NPY4R: variants seen among roughly 807,000 people sequenced by gnomAD.
NPY4R encodes the protein neuropeptide Y receptor type 4.
Under a neutral mutation model 11.9 loss-of-function variants are expected in NPY4R, and 2 were observed. That is an observed-to-expected ratio of 0.17 (90% CI 0.07 to 0.53). The LOEUF (loss-of-function observed/expected upper bound fraction) is 0.53, where lower values mean the gene tolerates loss of function less well. Among genes scored for constraint, NPY4R ranks in the 20% least tolerant of loss-of-function variants. NPY4R has a pLI of 0.94. For synonymous variants in NPY4R, 8 were observed against 121.7 expected (o/e 0.07, Z 6.15); for missense variants, 26 against 280.2 (o/e 0.09, Z 6.48).
At chr10:46,466,259 CTT>C (rs1565142554), upstream of NPY4R, among the ~76,000 whole-genome samples, 54 of 60,142 alleles carry the variant, frequency 9.0e-4, 3 homozygotes, top group African/African-American at 5.9e-3. Context: ...TTCTTTCTTT[CTT>C]TCCTTTCTTT....
chr10:46,466,263 C>T (rs1165625174), upstream of NPY4R, among the ~76,000 whole-genome samples: 144 of 12,196 alleles, frequency 0.012, no homozygotes, highest in Admixed American at 0.018. Context: ...TTCTTTCTTT[C>T]CTTTCTTTCT....
upstream of NPY4R, among the ~76,000 whole-genome samples, chr10:46,466,040 G>C (rs1841008064): frequency 6.6e-6 from 1 of 150,940 alleles, no homozygotes; most frequent in Non-Finnish European, 1.5e-5. Context: ...CCGCCCGCCT[G>C]CCCCGGGACC....
chr10:46,462,541 T>C lies in NPY4R; in HGVS notation c.95A>G (p.Glu32Gly), dbSNP rs782451421. Residue 32 changes from glutamate (E) to glycine (G), a missense_variant, in exon 3 of 3, where the codon GAA becomes GGA. Physicochemically the swap from Glu to Gly is moderately conservative, Grantham distance 98. Coordinates refer to ENST00000374312, the MANE Select transcript of NPY4R (RefSeq NM_005972.6). ...KPLGTPYNFS[E>G]HCQDSVDVMV... ...CACGTCCACGGAATCCTGGCAATGT[T>C]CAGAGAAGTTGTATGGGGTGCCCAG... is the stretch of plus-strand genomic sequence containing the variant. 1 of 1,614,066 alleles carries C rather than the reference T, an allele frequency of 6.2e-7. No homozygotes were observed. Among genetic ancestry groups the C allele is most frequent in the East Asian group, 2.2e-5 (1 of 44,862 alleles).
upstream of NPY4R, among the ~76,000 whole-genome samples, chr10:46,466,249 T>TTCTCTCTCTCTCCCTCCC (rs1277829870): frequency 1.5e-5 from 1 of 67,778 alleles, no homozygotes; most frequent in Non-Finnish European, 2.9e-5. Context: ...CTTTCTTTCT[T>TTCTCTCTCTCTCCCTCCC]TCTTTCTTTC....
upstream of NPY4R, among the ~76,000 whole-genome samples, chr10:46,466,247 CTTTCTTT>C (rs1841034907): frequency 1.5e-5 from 1 of 68,802 alleles, no homozygotes; most frequent in Admixed American, 1.5e-4. Context: ...TTCTTTCTTT[CTTTCTTT>C]CTTTCTTTCC....
chr10:46,468,428 G>A (rs1841117663), upstream of NPY4R, among the ~76,000 whole-genome samples: 1 of 133,794 alleles, frequency 7.5e-6, no homozygotes, highest in South Asian at 2.4e-4. Context: ...CCGGAGCACA[G>A]CCTGAGAGGC....
upstream of NPY4R, among the ~76,000 whole-genome samples, chr10:46,466,187 CTTTCTTTCTTTCTTTCTTTCTTTCTT>C (rs1841019259): frequency 3.0e-4 from 3 of 9,986 alleles, no homozygotes; most frequent in African/African-American, 1.5e-3. Flanking sequence ...TTCTCTCTTT[CTTTCTTTCTTTCTTTCTTTCTTTCTT>C]TCTTTCTTTC....
At chr10:46,464,214 C>CA (rs1840943035) in intron 1 of NPY4R, among the ~76,000 whole-genome samples, 1 of 151,988 alleles carries the variant, frequency 6.6e-6, no homozygotes, top group Non-Finnish European at 1.5e-5. Flanking sequence ...GCTGAAAATA[C>CA]AAAAATTAGC....
upstream of NPY4R, among the ~76,000 whole-genome samples, chr10:46,466,223 CTTTCTTTCTTTCTTT>C: frequency 1.5e-5 from 1 of 65,606 alleles, no homozygotes; most frequent in South Asian, 4.1e-4. Context: ...TTCTTTCTTT[CTTTCTTTCTTTCTTT>C]CTTTCTTTCT....
upstream of NPY4R, among the ~76,000 whole-genome samples, chr10:46,468,077 C>T (rs551795750): frequency 1.6e-5 from 2 of 124,904 alleles, no homozygotes; most frequent in African/African-American, 6.4e-5. Context: ...ATCTCACAGG[C>T]GAGAAAACTG....
chr10:46,465,744 C>CCACAGTGG lies in NPY4R; in HGVS notation c.-290_-283dup, dbSNP rs1476799505. On this transcript the variant is annotated 5_prime_UTR_variant, in exon 1 of 3. Transcript: ENST00000374312. The stretch of plus-strand genomic sequence containing the variant: ...ATGTCTCAGGTGAGGAGACTGAGGT[C>CCACAGTGG]CACAGTGGGGGTAGGATGCTCCCCA... 4 of 137,892 alleles carry CCACAGTGG rather than the reference C, an allele frequency of 2.9e-5. No individual in the cohort carries two copies. Among genetic ancestry groups the CCACAGTGG allele is most frequent in the African/African-American group, 1.1e-4 (4 of 37,420 alleles). 8.5% of individuals were successfully genotyped at this position (137,892 alleles called of 1,614,324 possible). A position where few individuals can be genotyped will look rare whatever the true frequency, so the allele number is the denominator to read the frequency against.
At chr10:46,469,592 CT>C (rs1841141796), upstream of NPY4R, among the ~76,000 whole-genome samples, 1 of 45,344 alleles carries the variant, frequency 2.2e-5, no homozygotes, top group Non-Finnish European at 4.2e-5. Flanking sequence ...AGCTGTCCTA[CT>C]TTTTTCATGG....
upstream of NPY4R, among the ~76,000 whole-genome samples, chr10:46,466,199 CTTTCTT>C (rs1565142275): frequency 1.7e-5 from 1 of 59,064 alleles, no homozygotes; most frequent in Non-Finnish European, 3.1e-5. Flanking sequence ...TTCTTTCTTT[CTTTCTT>C]TCTTTCTTTC....
upstream of NPY4R, among the ~76,000 whole-genome samples, chr10:46,466,251 C>CTCTCTCTCTCCCTCCCTCT (rs1841036715): frequency 1.5e-5 from 1 of 68,422 alleles, no homozygotes; most frequent in African/African-American, 9.3e-5. Context: ...TTCTTTCTTT[C>CTCTCTCTCTCCCTCCCTCT]TTTCTTTCTT....
intron 1 of NPY4R, among the ~76,000 whole-genome samples, chr10:46,464,205 C>T (rs1554990557): frequency 2.0e-5 from 3 of 152,022 alleles, no homozygotes; most frequent in Non-Finnish European, 1.5e-5. Context: ...CCCGTCTCCG[C>T]TGAAAATACA....
At chr10:46,466,415 T>C (rs1345422550), upstream of NPY4R, among the ~76,000 whole-genome samples, 3 of 88,516 alleles carry the variant, frequency 3.4e-5, no homozygotes, top group Admixed American at 3.8e-4. Flanking sequence ...AGTTTCCTCA[T>C]CCATGAAATG....
chr10:46,466,183 CTTTCTTTCTTTCTT>C (rs1346007855), upstream of NPY4R, among the ~76,000 whole-genome samples: 4,823 of 93,392 alleles, frequency 0.052, 940 homozygotes, highest in East Asian at 0.083. Context: ...GTCTTTCTCT[CTTTCTTTCTTTCTT>C]TCTTTCTTTC....
At chr10:46,466,259 CT>C (rs1565142554), upstream of NPY4R, among the ~76,000 whole-genome samples, 4 of 60,142 alleles carry the variant, frequency 6.7e-5, no homozygotes, top group Admixed American at 3.6e-4. Flanking sequence ...TTCTTTCTTT[CT>C]TTCCTTTCTT....
At chr10:46,466,199 CTTTCTTTCTTTCTTTCT>C (rs1841022050), upstream of NPY4R, among the ~76,000 whole-genome samples, 10 of 59,038 alleles carry the variant, frequency 1.7e-4, no homozygotes, top group Non-Finnish European at 2.5e-4. Context: ...TTCTTTCTTT[CTTTCTTTCTTTCTTTCT>C]TTCTTTCTTT....
Sources: allele counts gnomAD v4.1 joint callset (sites outside exome capture counted in the v4.1 genomes callset), GRCh38; gene constraint gnomAD v4.1.1; transcripts MANE v1.5; gene names NCBI Gene and HGNC (gene_info 2026-07-23, HGNC 2026-07-21).